The following VSIG10 variants were observed in gnomAD, a reference collection of about 807,000 sequenced individuals.
The protein encoded by VSIG10 is V-set and immunoglobulin domain containing 10.
In VSIG10, 48 loss-of-function variants were observed where a neutral mutation model predicts 58.7. That is an observed-to-expected ratio of 0.82 (90% CI 0.65 to 1.04). VSIG10 has a LOEUF of 1.04. Ranked by LOEUF, VSIG10 falls within the 50% of genes least tolerant of loss-of-function variation. VSIG10 has a pLI of 0.00. For synonymous variants in VSIG10, 260 were observed against 267.1 expected, an observed-to-expected ratio of 0.97 and a Z score of 0.26; for missense variants, 628 against 670.0, an observed-to-expected ratio of 0.94 and a Z score of 0.69.
At chr12:118,090,223 T>C (rs2033253192) in intron 2 of VSIG10, among the ~76,000 whole-genome samples, 1 of 152,106 alleles carries the variant, frequency 6.6e-6, no homozygotes, top group Non-Finnish European at 1.5e-5. Context: ...AAGAATCGCT[T>C]GAACACAGGG....
chr12:118,091,458 C>T (rs954419496), intron 2 of VSIG10, among the ~76,000 whole-genome samples: 3 of 150,802 alleles, frequency 2.0e-5, no homozygotes, highest in Non-Finnish European at 2.9e-5. Flanking sequence ...TGCCACTGCA[C>T]TCCAGCCTGG....
rs192750626 is a variant in VSIG10, at chr12:118,074,009, A to G, written c.926-17T>C. 3.8e-4 allele frequency: 582 copies of G among 1,527,432 alleles called. 1 individual carries two copies. Among genetic ancestry groups the G allele is most frequent in the Middle Eastern group, 3.7e-3 (21 of 5,630 alleles). 94.6% of individuals were successfully genotyped at this position (1,527,432 alleles called of 1,614,324 possible). Reference sequence around the variant, plus strand: ...AGGGACCCCCTGGTGATCAGAAGGTAAACAAAGACAAATGTTTAAAGAGAT... The same window carrying G: ...AGGGACCCCCTGGTGATCAGAAGGTGAACAAAGACAAATGTTTAAAGAGAT... On this transcript the variant is annotated splice_polypyrimidine_tract_variant and intron_variant, in intron 4 of 8. Transcript: ENST00000359236.
chr12:118,096,574 G>C (rs533494771), intron 1 of VSIG10, among the ~76,000 whole-genome samples: 1 of 120,112 alleles, frequency 8.3e-6, no homozygotes, highest in Non-Finnish European at 1.7e-5. Flanking sequence ...GCGTAACTCC[G>C]TCTCAAAAAA....
intron 4 of VSIG10, among the ~76,000 whole-genome samples, chr12:118,078,643 C>A (rs2032821090): frequency 6.6e-6 from 1 of 151,874 alleles, no homozygotes; most frequent in Admixed American, 6.6e-5. Flanking sequence ...GAACTATGAG[C>A]AAATAAAGTA....
intron 2 of VSIG10, among the ~76,000 whole-genome samples, chr12:118,083,852 T>C (rs1158178218): frequency 6.6e-6 from 1 of 151,784 alleles, no homozygotes; most frequent in Non-Finnish European, 1.5e-5. Context: ...CCAGGGACGG[T>C]GGCTCATGCC....
chr12:118,103,968 G>T lies in VSIG10; in HGVS notation c.-297C>A, dbSNP rs2137975357. 3.2e-6 allele frequency: 1 copy of T among 308,244 alleles called. No individual in the cohort carries two copies. The highest frequency in any genetic ancestry group is 5.2e-5 in the East Asian group (1 of 19,258). 19.1% of individuals were successfully genotyped at this position (308,244 alleles called of 1,614,324 possible). A position where few individuals can be genotyped will look rare whatever the true frequency, so the allele number is the denominator to read the frequency against. ...CTGCCGGCGGAAAACAACAGGAGCG[G>T]GATCCCTCCCGCCTCCCAGCCAGGC... On this transcript the variant is annotated 5_prime_UTR_variant, in exon 1 of 9. Coordinates refer to ENST00000359236, the MANE Select transcript of VSIG10 (RefSeq NM_019086.6).
At position 118,073,822 on chromosome 12, in the gene VSIG10, C is replaced by G. The variant is rs374205384; in HGVS notation, c.1096G>C (p.Asp366His). ...QPSSRHLITQ[D>H]GQNSTLTIHN... ...ATAGTGAGGGTGGAGTTCTGGCCAT[C>G]CTGGGTAATGAGATGGCGGCTGCTA... The change falls in exon 5 of 9, where the codon GAT (aspartate) becomes CAT (histidine). Residue 366 changes from aspartate to histidine, a missense_variant. Coordinates refer to ENST00000359236, the MANE Select transcript of VSIG10 (RefSeq NM_019086.6). 6.2e-7 allele frequency: 1 copy of G among 1,613,956 alleles called. No individual in the cohort carries two copies. Among genetic ancestry groups the G allele is most frequent in the East Asian group, 2.2e-5 (1 of 44,866 alleles).
intron 4 of VSIG10, among the ~76,000 whole-genome samples, chr12:118,077,451 T>G (rs1020721464): frequency 9.9e-5 from 15 of 152,216 alleles, no homozygotes; most frequent in Non-Finnish European, 2.1e-4. Flanking sequence ...CTTGTTTTTG[T>G]ACTTTCTGTC....
At chr12:118,068,749 C>T (rs766701725) in intron 7 of VSIG10, among the ~76,000 whole-genome samples, 152 bp from the exon 8 acceptor site, 1 of 152,102 alleles carries the variant, frequency 6.6e-6, no homozygotes, top group Non-Finnish European at 1.5e-5. Flanking sequence ...GTGTGGTAAC[C>T]GCAGAGATGC....
At chr12:118,100,885 C>G (rs143148921) in intron 1 of VSIG10, among the ~76,000 whole-genome samples, 249 of 152,304 alleles carry the variant, frequency 1.6e-3, no homozygotes, top group African/African-American at 5.3e-3. Flanking sequence ...TGGCAACCGC[C>G]ACAATGGAAA....
At chr12:118,098,933 T>TC (rs889366077) in intron 1 of VSIG10, among the ~76,000 whole-genome samples, 9 of 116,588 alleles carry the variant, frequency 7.7e-5, no homozygotes, top group African/African-American at 2.8e-4. Context: ...TTGGGGGGGG[T>TC]CTCACTCTGA....
rs756872016 is a variant in VSIG10, at chr12:118,073,777, G to C, written c.1141C>G (p.Leu381Val). Residue 381 changes from leucine to valine, a missense_variant, in exon 5 of 9, where the codon CTG becomes GTG. Leu to Val is a conservative substitution (Grantham distance 32). Coordinates refer to ENST00000359236, the MANE Select transcript of VSIG10 (RefSeq NM_019086.6). ...TLTIHNCSQD[L>V]DEGYYICRAD... ...CGGCAGATGTAGTAGCCCTCATCCAGGTCCTGGGAGCAGTTGTGGATAGTG... is the reference window on the plus strand; with the variant it reads ...CGGCAGATGTAGTAGCCCTCATCCACGTCCTGGGAGCAGTTGTGGATAGTG... 2 of 1,613,994 alleles carry C rather than the reference G, an allele frequency of 1.2e-6. No individual in the cohort carries two copies. Among genetic ancestry groups the C allele is most frequent in the East Asian group, 2.2e-5 (1 of 44,870 alleles).
At chr12:118,071,301 C>T in intron 6 of VSIG10, 58 bp downstream of exon 6, 1 of 1,521,066 alleles carries the variant, frequency 6.6e-7, no homozygotes, top group Non-Finnish European at 9.1e-7. Context: ...CATCCTTCCC[C>T]ATCCCGCACC....
intron 7 of VSIG10, 115 bp downstream of exon 7, chr12:118,070,937 A>G: frequency 8.0e-7 from 1 of 1,249,412 alleles, no homozygotes; most frequent in Non-Finnish European, 1.1e-6. Flanking sequence ...TGTCTAGCAC[A>G]TCGTAGGTCC....
chr12:118,094,106 GT>G (rs1237695019), intron 2 of VSIG10, among the ~76,000 whole-genome samples: 6 of 151,776 alleles, frequency 4.0e-5, no homozygotes, highest in South Asian at 2.1e-4. Flanking sequence ...GACTCCATAT[GT>G]TTTTTTTAGA....
chr12:118,069,584 TG>T (rs1403203606), intron 7 of VSIG10, among the ~76,000 whole-genome samples: 1 of 151,916 alleles, frequency 6.6e-6, no homozygotes, highest in Non-Finnish European at 1.5e-5. Flanking sequence ...CGCCACTACA[TG>T]CGGCTAATTT....
At position 118,064,237 on chromosome 12, in the gene VSIG10, CAG is replaced by C. The variant is rs2032171762; in HGVS notation, c.*2400_*2401del. ...CTGACCCAGGATATTACTGTGCACA[CAG>C]GACTCAGATATGTGACAGCAGTCAC... is the stretch of plus-strand genomic sequence containing the variant. On this transcript the variant is annotated 3_prime_UTR_variant, in exon 9 of 9. Coordinates refer to ENST00000359236, the MANE Select transcript of VSIG10 (RefSeq NM_019086.6). 6.6e-6 allele frequency: 1 copy of C among 152,142 alleles called. No individual in the cohort carries two copies. Among genetic ancestry groups the C allele is most frequent in the Non-Finnish European group, 1.5e-5 (1 of 68,038 alleles). The allele number at this position is 152,142 out of a possible 1,614,324, so 9.4% of individuals were successfully genotyped here. A position where few individuals can be genotyped will look rare whatever the true frequency, so the allele number is the denominator to read the frequency against.
chr12:118,071,307 G>C (rs575356555), intron 6 of VSIG10, 52 bp downstream of exon 6: 1 of 1,544,860 alleles, frequency 6.5e-7, no homozygotes, highest in African/African-American at 1.4e-5. Context: ...TCCCCATCCC[G>C]CACCTTTTCA....
chr12:118,083,222 A>G (rs1483416329), intron 2 of VSIG10, among the ~76,000 whole-genome samples: 1 of 149,972 alleles, frequency 6.7e-6, no homozygotes, highest in Non-Finnish European at 1.5e-5. Flanking sequence ...TAGGAGGATC[A>G]CTTGAGGCCA....
Sources: allele counts gnomAD v4.1 joint callset (sites outside exome capture counted in the v4.1 genomes callset), GRCh38; gene constraint gnomAD v4.1.1; transcripts MANE v1.5; gene names NCBI Gene and HGNC (gene_info 2026-07-23, HGNC 2026-07-21).